Variants in PRKCQ observed in about 807,000 individuals in gnomAD.
The protein encoded by PRKCQ is protein kinase C theta type.
In PRKCQ, 41 loss-of-function variants were observed where a neutral mutation model predicts 91.2. The observed-to-expected ratio is 0.45, with a 90% CI of 0.35 to 0.58. The LOEUF is 0.58. Among genes scored for constraint, PRKCQ ranks in the 20% least tolerant of loss-of-function variants. The probability of loss-of-function intolerance (pLI) is 0.00; values close to 1 mark genes in which losing one functional copy is unlikely to be tolerated. For synonymous variants in PRKCQ, 307 were observed against 316.9 expected, an observed-to-expected ratio of 0.97 and a Z score of 0.33; for missense variants, 673 against 896.5, an observed-to-expected ratio of 0.75 and a Z score of 3.18.
At chr10:6,412,496 G>A in the PRKCQ span, among the ~76,000 whole-genome samples, 1 of 152,162 alleles carries the variant, frequency 6.6e-6, no homozygotes, top group Admixed American at 6.5e-5. Flanking sequence ...ATCAAAGCAT[G>A]CTATAAAGTG....
At chr10:6,447,073 A>T (rs1007447645) in intron 15 of PRKCQ, among the ~76,000 whole-genome samples, 8 of 152,040 alleles carry the variant, frequency 5.3e-5, no homozygotes, top group Admixed American at 5.2e-4. Flanking sequence ...ATGCATTGCA[A>T]TCCCATCTGG....
At chr10:6,408,215 C>T in the PRKCQ span, among the ~76,000 whole-genome samples, 1 of 152,062 alleles carries the variant, frequency 6.6e-6, no homozygotes, top group African/African-American at 2.4e-5. Flanking sequence ...GGGAATTGCT[C>T]AGTTTAGATT....
At chr10:6,467,679 G>A (rs1347468206) in intron 12 of PRKCQ, among the ~76,000 whole-genome samples, 5 of 152,174 alleles carry the variant, frequency 3.3e-5, no homozygotes, top group Admixed American at 3.3e-4. Context: ...TAGTCTGTGA[G>A]AAATGAGACT....
chr10:6,457,508 C>G (rs1287879731), intron 14 of PRKCQ, among the ~76,000 whole-genome samples: 2 of 152,166 alleles, frequency 1.3e-5, no homozygotes, highest in Admixed American at 1.3e-4. Flanking sequence ...GGACTTCGCT[C>G]CTCATGATGT....
chr10:6,490,665 A>C (rs1050201255), intron 8 of PRKCQ, among the ~76,000 whole-genome samples: 5 of 151,988 alleles, frequency 3.3e-5, no homozygotes, highest in African/African-American at 4.8e-5. Flanking sequence ...GGATTGCTTG[A>C]GTCCAAGAAG....
intron 12 of PRKCQ, among the ~76,000 whole-genome samples, chr10:6,464,645 G>A (rs537813348): frequency 1.3e-5 from 2 of 151,968 alleles, no homozygotes; most frequent in African/African-American, 2.4e-5. Context: ...ATGGGGTTTC[G>A]CCATGTTAGC....
At chr10:6,522,880 C>A (rs1168575628) in intron 1 of PRKCQ, among the ~76,000 whole-genome samples, 2 of 152,140 alleles carry the variant, frequency 1.3e-5, no homozygotes, top group African/African-American at 4.8e-5. Context: ...TGGTAAACAT[C>A]AATTCAGAAA....
the PRKCQ span, among the ~76,000 whole-genome samples, chr10:6,416,615 G>A: frequency 6.6e-6 from 1 of 152,178 alleles, no homozygotes; most frequent in Non-Finnish European, 1.5e-5. Flanking sequence ...CTCATTGGTT[G>A]ATGGGCACTT....
rs558142143 is a variant in PRKCQ at position 6,509,552 on chromosome 10, G to C, written c.318+1443C>G. Reference sequence around the variant, plus strand: ...GCCTCCCAAGTAGCTGGGATTACAGGCACCTGCCACCACGCCTGGCTAATT... The same window carrying C: ...GCCTCCCAAGTAGCTGGGATTACAGCCACCTGCCACCACGCCTGGCTAATT... On this transcript the variant is annotated intron_variant, in intron 3 of 17. Transcript: ENST00000263125. Among the ~76,000 whole-genome samples the C allele has an allele frequency of 1.6e-3, 249 of 152,294 alleles. 2 individuals are homozygous for C. The highest frequency in any genetic ancestry group is 5.2e-3 in the African/African-American group (216 of 41,538).
chr10:6,512,246 A>G (rs533002169), intron 2 of PRKCQ: 3 of 152,388 alleles, frequency 2.0e-5, no homozygotes, highest in South Asian at 4.1e-4. Flanking sequence ...GGGTGAAGAT[A>G]CATTTTACAT....
At chr10:6,487,439 T>C (rs1414939112) in intron 8 of PRKCQ, among the ~76,000 whole-genome samples, 3 of 152,206 alleles carry the variant, frequency 2.0e-5, no homozygotes, top group Non-Finnish European at 4.4e-5. Flanking sequence ...GTGGACACTG[T>C]GTGACCTTGG....
chr10:6,483,202 G>A (rs527615265), intron 11 of PRKCQ, among the ~76,000 whole-genome samples: 3 of 152,258 alleles, frequency 2.0e-5, no homozygotes, highest in South Asian at 2.1e-4. Flanking sequence ...ACTCATAGGC[G>A]TGTGAGATGT....
rs377699595 is a variant in PRKCQ, at chr10:6,491,805, T to C, written c.668A>G (p.Lys223Arg). ...TGGCATGTCAATTTTGAATCTCTCC[T>C]TGTGGAACTGAAAGAAAGGCAGAAG... ...AINSRETMFHKERFKIDMPHR... is the reference protein window; with the variant it reads ...AINSRETMFHRERFKIDMPHR... Residue 223 changes from lysine to arginine, a missense_variant, in exon 8 of 18, where the codon AAG becomes AGG. Transcript: ENST00000263125. 3.1e-6 allele frequency: 5 copies of C among 1,614,190 alleles called. No individual in the cohort carries two copies. In the East Asian group the frequency reaches 1.1e-4, roughly 36 times the overall value.
At chr10:6,525,851 T>TG (rs1454361680) in intron 1 of PRKCQ, among the ~76,000 whole-genome samples, 3 of 152,118 alleles carry the variant, frequency 2.0e-5, no homozygotes, top group Non-Finnish European at 2.9e-5. Flanking sequence ...AATGCTGGCA[T>TG]GGGGGTGGGG....
At chr10:6,464,929 C>G (rs1835564858) in intron 12 of PRKCQ, among the ~76,000 whole-genome samples, 1 of 152,092 alleles carries the variant, frequency 6.6e-6, no homozygotes, top group Non-Finnish European at 1.5e-5. Context: ...GTGGGATGCC[C>G]TGTGGCATCT....
At chr10:6,464,697 C>G (rs1835547326) in intron 12 of PRKCQ, among the ~76,000 whole-genome samples, 1 of 152,218 alleles carries the variant, frequency 6.6e-6, no homozygotes, top group African/African-American at 2.4e-5. Context: ...ATCCGCCCAC[C>G]TTGGCCTCCC....
intron 1 of PRKCQ, among the ~76,000 whole-genome samples, chr10:6,562,934 T>C (rs1360733294): frequency 6.6e-6 from 1 of 152,212 alleles, no homozygotes; most frequent in African/African-American, 2.4e-5. Flanking sequence ...AGAACACTCA[T>C]CATGTTTTCT....
chr10:6,459,234 C>G (rs969968539), intron 14 of PRKCQ, among the ~76,000 whole-genome samples: 1 of 152,156 alleles, frequency 6.6e-6, no homozygotes, highest in African/African-American at 2.4e-5. Flanking sequence ...AGCTCTTGCA[C>G]TTTTAATTGG....
intron 9 of PRKCQ, 117 bp downstream of exon 9, chr10:6,485,918 G>T: frequency 2.4e-6 from 2 of 840,964 alleles, no homozygotes; most frequent in South Asian, 1.6e-5. Context: ...CAAGGCCGGT[G>T]CTCAGAAATA....
Sources: allele counts gnomAD v4.1 joint callset (sites outside exome capture counted in the v4.1 genomes callset), GRCh38; gene constraint gnomAD v4.1.1; transcripts MANE v1.5; gene names NCBI Gene and HGNC (gene_info 2026-07-23, HGNC 2026-07-21).